The following ETS1 variants were observed in gnomAD, a reference collection of about 807,000 sequenced individuals.
The protein encoded by ETS1 is ETS proto-oncogene 1, transcription factor.
In ETS1, 15 loss-of-function variants were observed where a neutral mutation model predicts 58.6. That is an observed-to-expected ratio of 0.26 (90% CI 0.17 to 0.39). The LOEUF (loss-of-function observed/expected upper bound fraction) is 0.39, where lower values mean the gene tolerates loss of function less well. ETS1 is among the 10% of genes least tolerant of loss of function. The probability of loss-of-function intolerance (pLI) is 1.00; values close to 1 mark genes in which losing one functional copy is unlikely to be tolerated. For missense variants in ETS1, 417 were observed against 610.5 expected (o/e 0.68, Z 3.34); for synonymous variants, 214 against 218.2 (o/e 0.98, Z 0.17).
intron 3 of ETS1, among the ~76,000 whole-genome samples, chr11:128,498,942 C>G (rs1252910116): frequency 6.6e-6 from 1 of 152,218 alleles, no homozygotes; most frequent in African/African-American, 2.4e-5. Context: ...AACAGTGTGA[C>G]TTCTTTATCT....
At chr11:128,570,238 C>CTT (rs200310590) in intron 2 of ETS1, among the ~76,000 whole-genome samples, 139 of 135,480 alleles carry the variant, frequency 1.0e-3, no homozygotes, top group East Asian at 5.6e-3. Context: ...TTTTCTTTTC[C>CTT]TTTTTTTTTT....
At chr11:128,518,516 A>G in intron 3 of ETS1, among the ~76,000 whole-genome samples, 1 of 152,242 alleles carries the variant, frequency 6.6e-6, no homozygotes, top group East Asian at 1.9e-4. Flanking sequence ...CATTTTATAG[A>G]TGCAGAAGCT....
intron 3 of ETS1, among the ~76,000 whole-genome samples, chr11:128,503,024 G>A (rs1863131697): frequency 6.6e-6 from 1 of 152,140 alleles, no homozygotes; most frequent in South Asian, 2.1e-4. Context: ...GAATCTCCCA[G>A]AGGCAAGAAA....
intron 8 of ETS1, among the ~76,000 whole-genome samples, chr11:128,470,208 C>T (rs575012911): frequency 6.6e-6 from 1 of 152,264 alleles, no homozygotes; most frequent in South Asian, 2.1e-4. Flanking sequence ...ATGTCTCTTG[C>T]ATGTTAGATC....
At chr11:128,481,544 T>C (rs1428714084) in intron 7 of ETS1, among the ~76,000 whole-genome samples, 3 of 152,202 alleles carry the variant, frequency 2.0e-5, no homozygotes, top group Non-Finnish European at 4.4e-5. Flanking sequence ...AGTTAAATCA[T>C]AGGAGACTAG....
chr11:128,503,760 G>T (rs1424599225), intron 3 of ETS1, among the ~76,000 whole-genome samples: 1 of 152,132 alleles, frequency 6.6e-6, no homozygotes, highest in African/African-American at 2.4e-5. Flanking sequence ...AGAGCCACAT[G>T]GGAACCACAT....
At chr11:128,465,489 G>A (rs907187098) in intron 8 of ETS1, among the ~76,000 whole-genome samples, 17 of 152,244 alleles carry the variant, frequency 1.1e-4, no homozygotes, top group East Asian at 5.8e-4. Context: ...AAAACTAACC[G>A]TGACATTCTC....
chr11:128,542,660 A>G (rs935605543), intron 3 of ETS1, among the ~76,000 whole-genome samples: 1 of 152,210 alleles, frequency 6.6e-6, no homozygotes, highest in Non-Finnish European at 1.5e-5. Context: ...CATCAAAACA[A>G]GAGAGAAGAT....
At chr11:128,586,635 C>A (rs1189665998) in intron 1 of ETS1, among the ~76,000 whole-genome samples, 3 of 152,216 alleles carry the variant, frequency 2.0e-5, no homozygotes, top group African/African-American at 7.2e-5. Flanking sequence ...AAAACAAAAA[C>A]TTACCCAAAA....
chr11:128,533,416 A>G (rs1863928746), intron 3 of ETS1, among the ~76,000 whole-genome samples: 1 of 152,170 alleles, frequency 6.6e-6, no homozygotes, highest in African/African-American at 2.4e-5. Flanking sequence ...AAACTCCCTT[A>G]GATACTCCTC....
At chr11:128,546,660 T>A (rs1011628060) in intron 3 of ETS1, among the ~76,000 whole-genome samples, 12 of 150,878 alleles carry the variant, frequency 8.0e-5, no homozygotes, top group East Asian at 3.9e-4. Flanking sequence ...TTAAAAAAAA[T>A]TTTTTTTTTG....
chr11:128,533,115 G>A (rs567649686), intron 3 of ETS1, among the ~76,000 whole-genome samples: 9 of 152,210 alleles, frequency 5.9e-5, no homozygotes, highest in East Asian at 1.9e-4. Flanking sequence ...GTTTGTTCAC[G>A]CTCCATATCC....
At chr11:128,584,978 G>GAAAGAAAGAAAGAAAGAAAGA (rs1212426438) in intron 1 of ETS1, among the ~76,000 whole-genome samples, 6 of 8,048 alleles carry the variant, frequency 7.5e-4, no homozygotes, top group Admixed American at 2.3e-3. Context: ...AAGAAAGAAA[G>GAAAGAAAGAAAGAAAGAAAGA]AAAGAAAGAA....
At chr11:128,521,912 C>A in intron 3 of ETS1, 1 of 1,597,936 alleles carries the variant, frequency 6.3e-7, no homozygotes, top group Non-Finnish European at 8.5e-7. Flanking sequence ...TCGCCACTCA[C>A]CCGGGGAGGG....
chr11:128,566,083 C>A (rs1013166917), intron 2 of ETS1, among the ~76,000 whole-genome samples: 13 of 152,200 alleles, frequency 8.5e-5, no homozygotes, highest in African/African-American at 3.1e-4. Context: ...GGGTTGTAAA[C>A]CACCGGCTGT....
intron 3 of ETS1, among the ~76,000 whole-genome samples, chr11:128,492,239 G>A (rs1340485086): frequency 6.6e-6 from 1 of 152,180 alleles, no homozygotes; most frequent in East Asian, 1.9e-4. Flanking sequence ...ATATTCCCCG[G>A]ACACAAACAA....
intron 3 of ETS1, chr11:128,505,389 C>T (rs990382781): frequency 6.6e-6 from 1 of 152,256 alleles, no homozygotes; most frequent in African/African-American, 2.4e-5. Flanking sequence ...ACAAGCAGCT[C>T]TAGTTGTGAA....
chr11:128,567,975 T>G (rs1393554165), intron 2 of ETS1, among the ~76,000 whole-genome samples: 3 of 152,098 alleles, frequency 2.0e-5, no homozygotes, highest in African/African-American at 7.2e-5. Context: ...ACCCTCAAAT[T>G]ACCAGGAATG....
At chr11:128,507,251 G>T (rs1591627898) in intron 3 of ETS1, among the ~76,000 whole-genome samples, 1 of 152,178 alleles carries the variant, frequency 6.6e-6, no homozygotes, top group African/African-American at 2.4e-5. Flanking sequence ...AGTAAATAAA[G>T]GCAGGGACGG....
Sources: gnomAD v4.1 joint callset for allele counts (sites outside exome capture counted in the v4.1 genomes callset) on GRCh38, gnomAD v4.1.1 for gene constraint, MANE v1.5 for transcripts, NCBI Gene and HGNC (gene_info 2026-07-23, HGNC 2026-07-21) for gene names.